The following MDM2 variants were observed in gnomAD, a reference collection of about 807,000 sequenced individuals.
MDM2 encodes the protein MDM2 proto-oncogene, also known as E3 ubiquitin-protein ligase Mdm2.
In MDM2, 11 loss-of-function variants were observed where a neutral mutation model predicts 64.3. The ratio of observed to expected loss-of-function variants is 0.17; its 90% CI spans 0.11 to 0.28. The LOEUF is 0.28. Ranked by LOEUF, MDM2 falls within the 10% of genes least tolerant of loss-of-function variation. The probability of loss-of-function intolerance (pLI) is 1.00; values close to 1 mark genes in which losing one functional copy is unlikely to be tolerated. For synonymous variants in MDM2, 194 were observed against 192.9 expected (o/e 1.01, Z -0.05); for missense variants, 388 against 577.1 (o/e 0.67, Z 3.36).
intron 7 of MDM2, 161 bp from the exon 8 acceptor site, chr12:68,828,610 C>CAGAT (rs1398997329): frequency 1.7e-6 from 1 of 593,658 alleles, no homozygotes; most frequent in Non-Finnish European, 2.9e-6. Context: ...TAAATACACA[C>CAGAT]AGATAGTGTT....
Position 68,820,387 on chromosome 12 carries a change from T to G in MDM2, c.358+13T>G, listed in dbSNP as rs370498220. The G allele has an allele frequency of 1.6e-4, 248 of 1,596,120 alleles. No individual in the cohort carries two copies. Among genetic ancestry groups the G allele is most frequent in the Non-Finnish European group, 1.8e-4 (216 of 1,168,038 alleles). On this transcript the variant is annotated intron_variant, in intron 5 of 10. Transcript: ENST00000258149. Reference sequence around the variant, plus strand: ...GTCAATCAGCAGGGTAAGTTAATTTTGAGCATCATGGATAAATACCATAAA... The same window carrying G: ...GTCAATCAGCAGGGTAAGTTAATTTGGAGCATCATGGATAAATACCATAAA...
intron 7 of MDM2, 22 bp from the exon 8 acceptor site, chr12:68,828,749 T>A (rs2136148608): frequency 1.2e-6 from 2 of 1,604,908 alleles, no homozygotes; most frequent in South Asian, 2.2e-5. Context: ...CAGCAATTTA[T>A]TTTTTTTCCT....
chr12:68,829,303 A>G (rs1882606870), intron 8 of MDM2, among the ~76,000 whole-genome samples: 1 of 152,228 alleles, frequency 6.6e-6, no homozygotes, highest in African/African-American at 2.4e-5. Flanking sequence ...GAACAAAACC[A>G]AAAATTTGGT....
In MDM2 at chr12:68,808,460, C is replaced by T. The variant is rs1245666282; in HGVS notation, c.-18C>T. ...GGGAGTCTTGAGGGACCCCCGACTC[C>T]AAGCGCGAAAACCCCGGATGGTGAG... is the stretch of plus-strand genomic sequence containing the variant. On this transcript the variant is annotated 5_prime_UTR_variant, in exon 1 of 11. Coordinates refer to ENST00000258149, the MANE Select transcript of MDM2 (RefSeq NM_002392.6). 1 of 1,613,974 alleles carries T rather than the reference C, an allele frequency of 6.2e-7. No homozygotes were observed. Among genetic ancestry groups the T allele is most frequent in the Non-Finnish European group, 8.5e-7 (1 of 1,180,012 alleles).
At chr12:68,828,460 C>G (rs1032909478) in intron 7 of MDM2, 2 of 248,814 alleles carry the variant, frequency 8.0e-6, no homozygotes, top group Non-Finnish European at 1.6e-5. Context: ...ACCAGCTACT[C>G]GGGAGGCTGA....
intron 9 of MDM2, 129 bp downstream of exon 9, chr12:68,836,113 T>C: frequency 2.6e-6 from 2 of 763,672 alleles, no homozygotes; most frequent in Admixed American, 3.3e-5. Context: ...TTGTTTAAAC[T>C]AACACATTGG....
Position 68,828,860 on chromosome 12 carries a change from C to G in MDM2, c.613C>G (p.Leu205Val), listed in dbSNP as rs763587937. 25 of 1,613,776 alleles carry G rather than the reference C, an allele frequency of 1.5e-5. No individual in the cohort carries two copies. The Admixed American group carries it at 4.2e-4, about 27-fold the overall frequency. ...CCTTTCCTTTGATGAAAGCCTGGCT[C>G]TGTGTGTAATAAGGGAGATATGTTG... ...ISLSFDESLA[L>V]CVIREICCER... The change falls in exon 8 of 11, where the codon CTG becomes GTG. Residue 205 changes from leucine to valine, a missense_variant. Around this residue, in one of 5 missense-constraint regions of MDM2, gnomAD observed 168 missense variants for 236.6 expected, o/e 0.71. Coordinates refer to ENST00000258149, the MANE Select transcript of MDM2 (RefSeq NM_002392.6).
At chr12:68,830,114 T>C (rs1270062153) in intron 8 of MDM2, among the ~76,000 whole-genome samples, 1 of 152,190 alleles carries the variant, frequency 6.6e-6, no homozygotes, top group Non-Finnish European at 1.5e-5. Context: ...GTGTATTTTA[T>C]GTGTGGCCCA....
At chr12:68,823,064 C>A (rs1425305285) in intron 5 of MDM2, among the ~76,000 whole-genome samples, 1 of 152,074 alleles carries the variant, frequency 6.6e-6, no homozygotes, top group Non-Finnish European at 1.5e-5. Context: ...CTTTTTATTA[C>A]ATCTTTTTTG....
intron 8 of MDM2, 48 bp from the exon 9 acceptor site, chr12:68,835,781 G>A: frequency 2.6e-6 from 4 of 1,562,764 alleles, no homozygotes; most frequent in Non-Finnish European, 3.5e-6. Context: ...CAGATACAGA[G>A]GTCAAGAGGT....
At chr12:68,817,057 T>C in intron 4 of MDM2, 112 bp downstream of exon 4, 1 of 1,260,144 alleles carries the variant, frequency 7.9e-7, no homozygotes, top group Non-Finnish European at 1.1e-6. Context: ...ATTAAAGACA[T>C]GCTGAAACTT....
Position 68,845,523 on chromosome 12 carries a change from T to C in MDM2, c.*5674T>C, listed in dbSNP as rs1884222415. Reference sequence around the variant, plus strand: ...AACGTTAGAGTAATAGTATTTTGAATGAAAACCATAGTTGATTGTCTTTAG... The same window carrying C: ...AACGTTAGAGTAATAGTATTTTGAACGAAAACCATAGTTGATTGTCTTTAG... On this transcript the variant is annotated 3_prime_UTR_variant, in exon 11 of 11. Coordinates refer to ENST00000258149, the MANE Select transcript of MDM2 (RefSeq NM_002392.6). 1 of 193,630 alleles carries C rather than the reference T, an allele frequency of 5.2e-6. No individual in the cohort carries two copies. The highest frequency in any genetic ancestry group is 1.9e-4 in the South Asian group (1 of 5,200). 12.0% of individuals were successfully genotyped at this position (193,630 alleles called of 1,614,324 possible).
chr12:68,819,464 T>G (rs931882380), intron 4 of MDM2, among the ~76,000 whole-genome samples: 1 of 152,170 alleles, frequency 6.6e-6, no homozygotes, highest in Admixed American at 6.5e-5. Context: ...ATTGAATGAA[T>G]GAGTACTGCT....
At position 68,844,919 on chromosome 12, in the gene MDM2, C is replaced by T. The variant is rs897811838; in HGVS notation, c.*5070C>T. On this transcript the variant is annotated 3_prime_UTR_variant, in exon 11 of 11. Transcript: ENST00000258149. ...AGTAGCTGGGGTTAGAGCACCCTGT[C>T]ACCACGCCCCGCTAATTTTTGTATT... 2 of 199,504 alleles carry T rather than the reference C, an allele frequency of 1.0e-5. No individual in the cohort carries two copies. The highest frequency in any genetic ancestry group is 7.7e-5 in the East Asian group (1 of 12,910). 12.4% of individuals were successfully genotyped at this position (199,504 alleles called of 1,614,324 possible).
rs747132793 is a variant in MDM2, at chr12:68,834,383, A to T, written c.685-1446A>T. On this transcript the variant is annotated intron_variant, in intron 8 of 10. Transcript: ENST00000258149. ...CTTGAACCCCGGAGGCGGAGGTTGC[A>T]GTGAGCTGAGATCATGCCACTGCAT... Among the ~76,000 whole-genome samples, 10 of 152,052 alleles carry T rather than the reference A, an allele frequency of 6.6e-5. No individual in the cohort carries two copies. The East Asian group carries it at 7.7e-4, about 12-fold the overall frequency.
At chr12:68,809,006 A>G in intron 1 of MDM2, 1 of 1,457,752 alleles carries the variant, frequency 6.9e-7, no homozygotes, top group Non-Finnish European at 9.0e-7. Context: ...TAAACCATGC[A>G]TTTTCCCAGC....
rs149683921 is a variant in MDM2 at position 68,845,527 on chromosome 12, A to C, written c.*5678A>C. The C allele has an allele frequency of 2.1e-5, 4 of 192,768 alleles. No homozygotes were observed. The East Asian group carries it at 3.3e-4, about 16-fold the overall frequency. The allele number at this position is 192,768 out of a possible 1,614,324, so 11.9% of individuals were successfully genotyped here. ...TTAGAGTAATAGTATTTTGAATGAAAACCATAGTTGATTGTCTTTAGAGAG... is the reference window on the plus strand; with the variant it reads ...TTAGAGTAATAGTATTTTGAATGAACACCATAGTTGATTGTCTTTAGAGAG... On this transcript the variant is annotated 3_prime_UTR_variant, in exon 11 of 11. Transcript: ENST00000258149.
chr12:68,821,339 C>T (rs1427109178), intron 5 of MDM2, among the ~76,000 whole-genome samples: 1 of 152,048 alleles, frequency 6.6e-6, no homozygotes, highest in Non-Finnish European at 1.5e-5. Context: ...AGCCACTGCA[C>T]CCGGTCTCAC....
chr12:68,810,208 G>A (rs1266022831), intron 2 of MDM2, among the ~76,000 whole-genome samples: 1 of 151,870 alleles, frequency 6.6e-6, no homozygotes, highest in Non-Finnish European at 1.5e-5. Context: ...TGCTGAGGAG[G>A]CTGGGGCAGG....
Sources: allele counts gnomAD v4.1 joint callset (sites outside exome capture counted in the v4.1 genomes callset), GRCh38; gene constraint gnomAD v4.1.1; regional missense constraint gnomAD v4.1.1; transcripts MANE v1.5; gene names NCBI Gene and HGNC (gene_info 2026-07-23, HGNC 2026-07-21).